Variants in WDR27 observed in about 807,000 individuals in gnomAD.
WDR27 encodes WD repeat domain 27.
In WDR27, 100 loss-of-function variants were observed where a neutral mutation model predicts 114.4. That is an observed-to-expected ratio of 0.87 (90% CI 0.74 to 1.03). The LOEUF (loss-of-function observed/expected upper bound fraction) is 1.03, where lower values mean the gene tolerates loss of function less well. Among genes scored for constraint, WDR27 ranks in the 50% least tolerant of loss-of-function variants. The pLI is 0.00. For missense variants in WDR27, 1,129 were observed against 1,092.9 expected, an observed-to-expected ratio of 1.03 and a Z score of -0.47; for synonymous variants, 449 against 423.1, an observed-to-expected ratio of 1.06 and a Z score of -0.75.
chr6:169,582,720 T>G, intron 24 of WDR27, 116 bp downstream of exon 24: 1 of 705,338 alleles, frequency 1.4e-6, no homozygotes, highest in Non-Finnish European at 2.3e-6. Flanking sequence ...CAGTGAACAC[T>G]GGCATGTAAC....
chr6:169,600,140 T>C (rs1183566525), intron 23 of WDR27, among the ~76,000 whole-genome samples: 3 of 152,220 alleles, frequency 2.0e-5, no homozygotes, highest in Non-Finnish European at 2.9e-5. Flanking sequence ...TTTGTTATAA[T>C]TTCTGCTCTT....
intron 25 of WDR27, among the ~76,000 whole-genome samples, chr6:169,490,343 CCA>C (rs1354571241): frequency 6.6e-6 from 1 of 152,210 alleles, no homozygotes; most frequent in Non-Finnish European, 1.5e-5. Context: ...GAACACTGTG[CCA>C]GTGTGTTTCT....
chr6:169,579,266 A>AAG (rs1411844663), intron 24 of WDR27, among the ~76,000 whole-genome samples: 25 of 152,354 alleles, frequency 1.6e-4, no homozygotes, highest in Middle Eastern at 3.4e-3. Context: ...GTGGAGGTAG[A>AAG]AGAGAGAGCC....
chr6:169,680,620 T>C (rs564277155), intron 2 of WDR27, among the ~76,000 whole-genome samples: 64 of 152,340 alleles, frequency 4.2e-4, no homozygotes, highest in Non-Finnish European at 8.4e-4. Flanking sequence ...TGTTTAAATA[T>C]CTTTAAAAGA....
intron 25 of WDR27, among the ~76,000 whole-genome samples, chr6:169,485,978 A>G (rs1452753503): frequency 6.6e-6 from 1 of 152,182 alleles, no homozygotes; most frequent in African/African-American, 2.4e-5. Context: ...GGAGGGAAAC[A>G]AGAGACACTG....
chr6:169,641,800 A>G (rs897023821), intron 17 of WDR27, among the ~76,000 whole-genome samples: 4 of 152,194 alleles, frequency 2.6e-5, no homozygotes, highest in Non-Finnish European at 5.9e-5. Context: ...GAAATGCCTG[A>G]CCCCAGAACT....
chr6:169,677,991 C>G (rs1239358137), intron 2 of WDR27, among the ~76,000 whole-genome samples: 1 of 152,242 alleles, frequency 6.6e-6, no homozygotes, highest in Non-Finnish European at 1.5e-5. Context: ...AAGGCAGAAG[C>G]CTGCTGCAGG....
intron 25 of WDR27, among the ~76,000 whole-genome samples, chr6:169,555,201 C>A (rs988863803): frequency 6.6e-6 from 1 of 152,140 alleles, no homozygotes; most frequent in Non-Finnish European, 1.5e-5. Context: ...CTAAAGCCTG[C>A]GATGGAGACA....
rs1478726114 is a variant in WDR27 at position 169,613,641 on chromosome 6, T to C, written c.2239A>G (p.Thr747Ala). ...ICQNKGSSFT[T>A]QQPQAYNLFL... Reference sequence around the variant, plus strand: ...AGGTTATAAGCCTGAGGCTGTTGGGTTGTAAATGATGAACCCTATAATTTT... The same window carrying C: ...AGGTTATAAGCCTGAGGCTGTTGGGCTGTAAATGATGAACCCTATAATTTT... Residue 747 changes from threonine (T) to alanine (A), a missense_variant, in exon 22 of 26, where the codon ACC becomes GCC. Physicochemically the swap from Thr to Ala is moderately conservative, Grantham distance 58 (BLOSUM62 0). Coordinates refer to ENST00000448612, the MANE Select transcript of WDR27 (RefSeq NM_182552.5). 3.7e-6 allele frequency: 6 copies of C among 1,613,372 alleles called. No individual in the cohort carries two copies. The highest frequency in any genetic ancestry group is 1.1e-5 in the South Asian group (1 of 91,020).
chr6:169,503,078 T>A (rs1443681482), intron 25 of WDR27, among the ~76,000 whole-genome samples: 1 of 152,158 alleles, frequency 6.6e-6, no homozygotes, highest in Non-Finnish European at 1.5e-5. Flanking sequence ...CTGGGAGGTT[T>A]GTCTCTGGCT....
chr6:169,660,571 G>A (rs577193925), intron 10 of WDR27, 92 bp downstream of exon 10: 184 of 1,041,688 alleles, frequency 1.8e-4, no homozygotes, highest in East Asian at 3.8e-4. Flanking sequence ...AGATTCACAC[G>A]GCAAGGCCTT....
At chr6:169,569,055 C>T (rs957449841) in intron 25 of WDR27, among the ~76,000 whole-genome samples, 3 of 150,256 alleles carry the variant, frequency 2.0e-5, no homozygotes, top group Admixed American at 6.9e-5. Flanking sequence ...CAACAGAGAA[C>T]GCAGCAAACA....
intron 5 of WDR27, among the ~76,000 whole-genome samples, chr6:169,667,570 G>A (rs1408202997): frequency 6.6e-6 from 1 of 152,194 alleles, no homozygotes; most frequent in Non-Finnish European, 1.5e-5. Context: ...ACTGTCAGGC[G>A]CACACTGATG....
chr6:169,473,341 T>C (rs1361076854), intron 25 of WDR27, among the ~76,000 whole-genome samples: 3 of 152,166 alleles, frequency 2.0e-5, no homozygotes, highest in Non-Finnish European at 2.9e-5. Flanking sequence ...TCAGTTTCGG[T>C]TTCCTGTGGA....
chr6:169,668,240 T>C, intron 4 of WDR27, 55 bp from the exon 5 acceptor site: 1 of 1,578,460 alleles, frequency 6.3e-7, no homozygotes, highest in Non-Finnish European at 8.7e-7. Context: ...TCTCTGTATA[T>C]AAACCAAGGG....
intron 16 of WDR27, among the ~76,000 whole-genome samples, chr6:169,646,615 G>A (rs1459454173): frequency 2.0e-5 from 3 of 152,028 alleles, no homozygotes; most frequent in African/African-American, 7.2e-5. Context: ...AGGCATGGTG[G>A]TGCACACCTG....
chr6:169,598,666 G>A (rs541556617), intron 23 of WDR27, among the ~76,000 whole-genome samples: 107 of 152,288 alleles, frequency 7.0e-4, no homozygotes, highest in African/African-American at 2.4e-3. Context: ...GGAGATGGAC[G>A]CAGAGGCCAG....
intron 13 of WDR27, among the ~76,000 whole-genome samples, chr6:169,655,712 CAG>C (rs1006302714): frequency 1.3e-5 from 2 of 152,110 alleles, no homozygotes; most frequent in Admixed American, 1.3e-4. Context: ...GTGAGCAGGG[CAG>C]AGTTTTTTTT....
intron 13 of WDR27, among the ~76,000 whole-genome samples, chr6:169,654,735 G>GAGGAGGCGCACACAGA: frequency 6.6e-6 from 1 of 150,588 alleles, no homozygotes; most frequent in South Asian, 2.1e-4. Flanking sequence ...GCGCGCACAG[G>GAGGAGGCGCACACAGA]AGGAGGCGCG....
Sources: gnomAD v4.1 joint callset for allele counts (sites outside exome capture counted in the v4.1 genomes callset) on GRCh38, gnomAD v4.1.1 for gene constraint, MANE v1.5 for transcripts, NCBI Gene and HGNC (gene_info 2026-07-23, HGNC 2026-07-21) for gene names.